The following NRK variants were observed in gnomAD, a reference collection of about 807,000 sequenced individuals.
NRK encodes nik-related protein kinase.
Under a neutral mutation model 125.2 loss-of-function variants are expected in NRK, and 67 were observed. The observed-to-expected ratio is 0.54, with a 90% CI of 0.44 to 0.66. The LOEUF (loss-of-function observed/expected upper bound fraction) is 0.66, where lower values mean the gene tolerates loss of function less well. NRK is among the 30% of genes least tolerant of loss of function. The pLI, the probability that NRK is intolerant of heterozygous loss-of-function variation, is 0.00. For missense variants in NRK, 1,224 were observed against 1,192.9 expected, an observed-to-expected ratio of 1.03 and a Z score of -0.38; for synonymous variants, 458 against 429.0, an observed-to-expected ratio of 1.07 and a Z score of -0.84.
intron 2 of NRK, among the ~76,000 whole-genome samples, chrX:105,874,207 T>C (rs2039785329): frequency 9.0e-6 from 1 of 111,695 alleles, no homozygotes; most frequent in Non-Finnish European, 1.9e-5. Context: ...ATCTCGTAGA[T>C]CTGCTTACAG....
At chrX:105,883,483 C>T (rs2039908396) in intron 4 of NRK, among the ~76,000 whole-genome samples, 1 of 111,775 alleles carries the variant, frequency 8.9e-6, no homozygotes, top group Non-Finnish European at 1.9e-5. Context: ...AGTCCAGAAA[C>T]ATGAGTTCAA....
chrX:105,941,555 AAGAGAG>A (rs771874766), intron 23 of NRK, among the ~76,000 whole-genome samples: 109 of 85,260 alleles, frequency 1.3e-3, no homozygotes, highest in Middle Eastern at 0.012. Flanking sequence ...GAGAGACAGA[AAGAGAG>A]AGAGAGAGAG....
At chrX:105,924,083 A>G (rs1309760630) in intron 18 of NRK, among the ~76,000 whole-genome samples, 1 of 108,883 alleles carries the variant, frequency 9.2e-6, no homozygotes, top group Non-Finnish European at 1.9e-5. Flanking sequence ...TTTGTTTCCT[A>G]TGCAAAAAGA....
intron 21 of NRK, among the ~76,000 whole-genome samples, 151 bp downstream of exon 21, chrX:105,935,476 T>G (rs1028196902): frequency 2.7e-5 from 3 of 111,068 alleles, no homozygotes; most frequent in Non-Finnish European, 1.9e-5. Context: ...TTTGCTGATT[T>G]TTTTTTTCAC....
At chrX:105,866,032 A>G (rs1205946321) in intron 2 of NRK, among the ~76,000 whole-genome samples, 1 of 108,671 alleles carries the variant, frequency 9.2e-6, no homozygotes, top group African/African-American at 3.4e-5. Context: ...AAAAAAACAT[A>G]AAAGTCAGTA....
At chrX:105,848,380 T>C (rs2039428034) in intron 2 of NRK, among the ~76,000 whole-genome samples, 1 of 112,235 alleles carries the variant, frequency 8.9e-6, no homozygotes, top group South Asian at 3.7e-4. Context: ...TACTTCTTTC[T>C]AGGAATCTGA....
chrX:105,836,091 C>T (rs994147786), intron 2 of NRK, among the ~76,000 whole-genome samples: 2 of 112,001 alleles, frequency 1.8e-5, no homozygotes, highest in Non-Finnish European at 3.8e-5. Flanking sequence ...TCTCTTTTTG[C>T]AGGTGCTTGT....
chrX:105,902,165 C>A (rs1022357390), intron 9 of NRK, among the ~76,000 whole-genome samples: 1 of 109,550 alleles, frequency 9.1e-6, no homozygotes, highest in Non-Finnish European at 1.9e-5. Flanking sequence ...TATTGCTGAG[C>A]AAACTCACAG....
chrX:105,870,596 C>T (rs963956926), intron 2 of NRK, among the ~76,000 whole-genome samples: 1 of 111,920 alleles, frequency 8.9e-6, no homozygotes, highest in Non-Finnish European at 1.9e-5. Flanking sequence ...CCATTTTGTA[C>T]AATTCGTCAT....
intron 2 of NRK, among the ~76,000 whole-genome samples, chrX:105,873,969 G>C (rs995896820): frequency 1.1e-4 from 12 of 112,167 alleles, no homozygotes; most frequent in African/African-American, 3.9e-4. Flanking sequence ...TGATTTTATT[G>C]ATAGAGTGAC....
At chrX:105,912,263 A>T (rs2040311357) in intron 13 of NRK, among the ~76,000 whole-genome samples, 1 of 111,329 alleles carries the variant, frequency 9.0e-6, no homozygotes, top group Non-Finnish European at 1.9e-5. Context: ...TGGTTATAAT[A>T]GCTTGCTAAA....
At chrX:105,862,129 A>G (rs1194318317) in intron 2 of NRK, among the ~76,000 whole-genome samples, 1 of 111,934 alleles carries the variant, frequency 8.9e-6, no homozygotes, top group Non-Finnish European at 1.9e-5. Flanking sequence ...GTTTCACATA[A>G]AACAAGATGG....
At position 105,955,540 on chromosome X, in the gene NRK, C is replaced by G. The variant is rs2040965898; in HGVS notation, c.4689C>G (p.Ser1563Arg). The G allele has an allele frequency of 8.4e-7, 1 of 1,192,762 alleles. No individual in the cohort carries two copies. Among genetic ancestry groups the G allele is most frequent in the African/African-American group, 1.8e-5 (1 of 56,855 alleles). Residue 1563 changes from serine to arginine, a missense_variant, in exon 29 of 29, where the codon AGC becomes AGG. Ser to Arg is a moderately radical substitution (Grantham distance 110). Transcript: ENST00000243300. ...FFTSTLRNHH[S>R]RVYFMTLGKL... The stretch of plus-strand genomic sequence containing the variant: ...CCTCTACCCTGCGCAATCACCACAG[C>G]CGGGTTTACTTCATGACACTTGGAA...
In NRK at chrX:105,822,859, G is replaced by T; in HGVS notation, c.14G>T (p.Gly5Val). MAGP[G>V]GWRDREVTDL... ...CTCCTCGAAGCCATGGCGGGACCTG[G>T]GGGCTGGAGGGACAGGGAGGTCACG... The change falls in exon 1 of 29, where the codon GGG becomes GTG. Residue 5 changes from glycine (G) to valine (V), a missense_variant. By Grantham distance (109) the Gly-to-Val change is moderately radical. Transcript: ENST00000243300. The T allele has an allele frequency of 1.7e-6, 2 of 1,172,292 alleles. No homozygotes were observed. Among genetic ancestry groups the T allele is most frequent in the East Asian group, 3.2e-5 (1 of 31,341 alleles).
At chrX:105,884,327 G>A (rs999511390) in intron 4 of NRK, among the ~76,000 whole-genome samples, 2 of 110,197 alleles carry the variant, frequency 1.8e-5, no homozygotes, top group Admixed American at 1.9e-4. Context: ...CATTTTCTCT[G>A]ACATTGCAAA....
At chrX:105,834,326 G>A (rs2039233915) in intron 2 of NRK, among the ~76,000 whole-genome samples, 1 of 111,346 alleles carries the variant, frequency 9.0e-6, no homozygotes, top group African/African-American at 3.3e-5. Flanking sequence ...GACTTGCATA[G>A]TTTCTGAAGT....
Position 105,939,985 on chromosome X carries a change from C to G in NRK, c.3911C>G (p.Ala1304Gly). The G allele has an allele frequency of 8.4e-7, 1 of 1,189,742 alleles. No individual in the cohort carries two copies. The highest frequency in any genetic ancestry group is 1.1e-6 in the Non-Finnish European group (1 of 881,126). The change falls in exon 23 of 29, where the codon GCC (alanine) becomes GGC (glycine). Residue 1304 changes from alanine to glycine, a missense_variant. By Grantham distance (60) the Ala-to-Gly change is moderately conservative. Transcript: ENST00000243300. ...RQEEMLKTEE[A>G]CKAIDKLTGC... The stretch of plus-strand genomic sequence containing the variant: ...GAAGAAATGCTGAAGACAGAGGAAG[C>G]CTGCAAAGCTATTGATAAGTTAACA...
chrX:105,940,603 C>T (rs1367350469), intron 23 of NRK, among the ~76,000 whole-genome samples: 1 of 111,496 alleles, frequency 9.0e-6, no homozygotes, highest in Non-Finnish European at 1.9e-5. Context: ...TGTTTTCCAT[C>T]TGATTAGAAT....
chrX:105,877,764 A>G (rs1033489458), intron 2 of NRK, among the ~76,000 whole-genome samples: 6 of 110,699 alleles, frequency 5.4e-5, no homozygotes, highest in African/African-American at 1.6e-4. Context: ...TTCAAACCCA[A>G]TATTAGGACA....
Sources: gnomAD v4.1 joint callset for allele counts (sites outside exome capture counted in the v4.1 genomes callset) on GRCh38, gnomAD v4.1.1 for gene constraint, MANE v1.5 for transcripts, NCBI Gene and HGNC (gene_info 2026-07-23, HGNC 2026-07-21) for gene names.